Variants in KCNB2 observed in about 807,000 individuals in gnomAD.
KCNB2 encodes the protein potassium voltage-gated channel subfamily B member 2, also known as delayed rectifier potassium channel protein.
In KCNB2, 15 loss-of-function variants were observed where a neutral mutation model predicts 61.5. The observed-to-expected ratio is 0.24, with a 90% CI of 0.16 to 0.38. The LOEUF (loss-of-function observed/expected upper bound fraction) is 0.38, where lower values mean the gene tolerates loss of function less well. Ranked by LOEUF, KCNB2 falls within the 10% of genes least tolerant of loss-of-function variation. The probability of loss-of-function intolerance (pLI) is 1.00; values close to 1 mark genes in which losing one functional copy is unlikely to be tolerated. For synonymous variants in KCNB2, 457 were observed against 446.0 expected (o/e 1.02, Z -0.31); for missense variants, 828 against 1,125.2 (o/e 0.74, Z 3.78).
At chr8:72,774,403 T>G (rs1328418143) in intron 2 of KCNB2, among the ~76,000 whole-genome samples, 1 of 152,204 alleles carries the variant, frequency 6.6e-6, no homozygotes, top group African/African-American at 2.4e-5. Context: ...CAGGCTGGAG[T>G]GCAGTGGCGC....
At chr8:72,616,865 C>T (rs903159455) in intron 2 of KCNB2, among the ~76,000 whole-genome samples, 3 of 152,184 alleles carry the variant, frequency 2.0e-5, no homozygotes, top group Non-Finnish European at 4.4e-5. Context: ...TCTCAGAGCT[C>T]TGTATTCTGT....
intron 2 of KCNB2, among the ~76,000 whole-genome samples, chr8:72,816,143 G>A (rs565635731): frequency 2.0e-5 from 3 of 152,214 alleles, no homozygotes; most frequent in South Asian, 2.1e-4. Flanking sequence ...AGCATGGATC[G>A]TACTAAAATG....
chr8:72,765,754 C>T (rs949641489), intron 2 of KCNB2, among the ~76,000 whole-genome samples: 3 of 152,106 alleles, frequency 2.0e-5, no homozygotes, highest in Admixed American at 1.3e-4. Flanking sequence ...TCAGAATCAC[C>T]GTGGAGGACT....
chr8:72,637,385 T>A (rs1805982904), intron 2 of KCNB2, among the ~76,000 whole-genome samples: 1 of 152,210 alleles, frequency 6.6e-6, no homozygotes, highest in African/African-American at 2.4e-5. Context: ...AAACAGTGTT[T>A]TCCTTCCTGT....
At chr8:72,849,154 A>AT (rs1302389450) in intron 2 of KCNB2, among the ~76,000 whole-genome samples, 22 of 150,138 alleles carry the variant, frequency 1.5e-4, no homozygotes, top group African/African-American at 4.2e-4. Flanking sequence ...CAGCCTTGTA[A>AT]TTTTTTTTAT....
chr8:72,773,442 C>T (rs1453841506), intron 2 of KCNB2, among the ~76,000 whole-genome samples: 1 of 152,206 alleles, frequency 6.6e-6, no homozygotes, highest in Non-Finnish European at 1.5e-5. Flanking sequence ...CTGTGTGGGT[C>T]TCCTGAGGAG....
At chr8:72,664,161 G>A (rs370578152) in intron 2 of KCNB2, among the ~76,000 whole-genome samples, 189 of 152,272 alleles carry the variant, frequency 1.2e-3, no homozygotes, top group African/African-American at 4.2e-3. Context: ...GAGGCTTACC[G>A]GCCTGTCTTT....
At chr8:72,925,746 A>G (rs538956247) in intron 2 of KCNB2, among the ~76,000 whole-genome samples, 5 of 152,370 alleles carry the variant, frequency 3.3e-5, no homozygotes, top group African/African-American at 1.2e-4. Context: ...TACTGGGTTT[A>G]TACGCAAAGT....
At chr8:72,689,456 T>TTAG (rs1563560307) in intron 2 of KCNB2, among the ~76,000 whole-genome samples, 3 of 152,224 alleles carry the variant, frequency 2.0e-5, no homozygotes, top group Non-Finnish European at 2.9e-5. Context: ...ATAACAATTT[T>TTAG]TAGTATGTTT....
At chr8:72,852,814 T>C (rs1362199978) in intron 2 of KCNB2, among the ~76,000 whole-genome samples, 1 of 152,226 alleles carries the variant, frequency 6.6e-6, no homozygotes. Context: ...GTAATGTGGA[T>C]TTTTCACTTC....
At chr8:72,717,750 T>C (rs1020503748) in intron 2 of KCNB2, among the ~76,000 whole-genome samples, 6 of 152,206 alleles carry the variant, frequency 3.9e-5, no homozygotes, top group African/African-American at 1.2e-4. Flanking sequence ...GACATAGGCA[T>C]GGGCAAGGAC....
At chr8:72,860,012 C>T (rs1810274676) in intron 2 of KCNB2, among the ~76,000 whole-genome samples, 2 of 152,018 alleles carry the variant, frequency 1.3e-5, no homozygotes, top group South Asian at 4.2e-4. Flanking sequence ...AGCCACTGTG[C>T]CCGGCCTTCA....
intron 2 of KCNB2, among the ~76,000 whole-genome samples, chr8:72,647,110 G>C (rs774427393): frequency 1.3e-5 from 2 of 152,120 alleles, no homozygotes; most frequent in Non-Finnish European, 2.9e-5. Flanking sequence ...GGCAGCGTGC[G>C]TGAGGGGTTG....
chr8:72,632,415 G>C (rs1805896356), intron 2 of KCNB2, among the ~76,000 whole-genome samples: 1 of 152,082 alleles, frequency 6.6e-6, no homozygotes, highest in East Asian at 1.9e-4. Flanking sequence ...CACTACACAG[G>C]CAGAGTTGCA....
intron 2 of KCNB2, among the ~76,000 whole-genome samples, chr8:72,669,676 T>C (rs1277123191): frequency 6.6e-6 from 1 of 152,210 alleles, no homozygotes; most frequent in Admixed American, 6.5e-5. Flanking sequence ...GTAGTACTTT[T>C]AAGTAAAGCA....
intron 2 of KCNB2, chr8:72,751,942 G>A (rs1563579962): frequency 6.6e-6 from 1 of 152,206 alleles, no homozygotes; most frequent in African/African-American, 2.4e-5. Context: ...ACAACTTTAA[G>A]TGTCTTCTTT....
At chr8:72,709,526 C>T (rs991380750) in intron 2 of KCNB2, among the ~76,000 whole-genome samples, 1 of 151,524 alleles carries the variant, frequency 6.6e-6, no homozygotes, top group Non-Finnish European at 1.5e-5. Context: ...GAAGGTGAAG[C>T]GGGAGCAGGT....
chr8:72,882,846 A>C (rs6998916), intron 2 of KCNB2, among the ~76,000 whole-genome samples: 3,397 of 152,258 alleles, frequency 0.022, 137 homozygotes, highest in African/African-American at 0.077. Context: ...AAATCAGGAG[A>C]TTTCACATTT....
intron 2 of KCNB2, among the ~76,000 whole-genome samples, chr8:72,679,448 T>C (rs1393903738): frequency 1.3e-5 from 2 of 152,202 alleles, no homozygotes; most frequent in Non-Finnish European, 2.9e-5. Flanking sequence ...ATTACATCAG[T>C]ATTTCTCAAG....
Sources: allele counts gnomAD v4.1 joint callset (sites outside exome capture counted in the v4.1 genomes callset), GRCh38; gene constraint gnomAD v4.1.1; transcripts MANE v1.5; gene names NCBI Gene and HGNC (gene_info 2026-07-23, HGNC 2026-07-21).